TNS1: variants seen among roughly 807,000 people sequenced by gnomAD.
The protein encoded by TNS1 is tensin 1.
Under a neutral mutation model 168.6 loss-of-function variants are expected in TNS1, and 62 were observed. The ratio of observed to expected loss-of-function variants is 0.37; its 90% CI spans 0.30 to 0.45. The LOEUF (loss-of-function observed/expected upper bound fraction) is 0.45, where lower values mean the gene tolerates loss of function less well. Ranked by LOEUF, TNS1 falls within the 20% of genes least tolerant of loss-of-function variation. The probability of loss-of-function intolerance (pLI) is 1.00; values close to 1 mark genes in which losing one functional copy is unlikely to be tolerated. For synonymous variants in TNS1, 934 were observed against 933.2 expected, an observed-to-expected ratio of 1.00 and a Z score of -0.02; for missense variants, 2,240 against 2,339.4, an observed-to-expected ratio of 0.96 and a Z score of 0.88.
chr2:217,900,331 C>A, intron 7 of TNS1, 132 bp downstream of exon 7: 2 of 1,020,138 alleles, frequency 2.0e-6, no homozygotes, highest in South Asian at 2.9e-5. Context: ...GTGCCTTTCA[C>A]GTTTGCCCAC....
chr2:217,952,009 A>G (rs1957254835), intron 3 of TNS1, among the ~76,000 whole-genome samples: 1 of 152,260 alleles, frequency 6.6e-6, no homozygotes, highest in Non-Finnish European at 1.5e-5. Context: ...CAGGCAGAAC[A>G]TGAACACAGC....
At chr2:218,022,145 T>G in intron 1 of TNS1, among the ~76,000 whole-genome samples, 1 of 147,914 alleles carries the variant, frequency 6.8e-6, no homozygotes, top group Non-Finnish European at 1.5e-5. Flanking sequence ...ACAGGGAGAG[T>G]GAGCTGGAGG....
chr2:217,917,492 G>C (rs1371122578), intron 4 of TNS1, among the ~76,000 whole-genome samples: 1 of 152,160 alleles, frequency 6.6e-6, no homozygotes, highest in Non-Finnish European at 1.5e-5. Context: ...GCATGGAAGG[G>C]AGACTGGGTG....
intron 3 of TNS1, among the ~76,000 whole-genome samples, chr2:217,953,865 G>T (rs1165296890): frequency 6.6e-6 from 1 of 152,240 alleles, no homozygotes; most frequent in East Asian, 1.9e-4. Context: ...GCAAAAGCAG[G>T]TGTGAGGAGC....
chr2:217,960,755 C>A (rs1346718814), intron 3 of TNS1, among the ~76,000 whole-genome samples: 4 of 152,146 alleles, frequency 2.6e-5, no homozygotes, highest in African/African-American at 9.7e-5. Context: ...AGTCTCCCTA[C>A]CACCAGAGGA....
chr2:217,937,567 TC>T (rs1219295845), intron 3 of TNS1, among the ~76,000 whole-genome samples: 2 of 152,082 alleles, frequency 1.3e-5, no homozygotes, highest in Non-Finnish European at 2.9e-5. Context: ...CAGCAGGACT[TC>T]CTGCCAGCGA....
rs1951065081 is a variant in TNS1 at position 217,885,126 on chromosome 2, T to G, written c.1155A>C (p.Arg385=). The G allele has an allele frequency of 1.2e-6, 2 of 1,614,198 alleles. No individual in the cohort carries two copies. Among genetic ancestry groups the G allele is most frequent in the Non-Finnish European group, 1.7e-6 (2 of 1,180,038 alleles). ...GGAACTGCACACGGAAGATGACGTC[T>G]CGGGCTGGGCTTCGGAACTTCTTGT... ...CYHKKFRSPA[R]DVIFRVQFHT... The change falls in exon 16 of 33, where the codon CGA becomes CGC. Residue 385 remains arginine, a synonymous_variant. Coordinates refer to ENST00000682258, the MANE Select transcript of TNS1 (RefSeq NM_001387777.1).
At chr2:218,027,194 C>A (rs544843168) in intron 1 of TNS1, among the ~76,000 whole-genome samples, 1 of 152,172 alleles carries the variant, frequency 6.6e-6, no homozygotes, top group Admixed American at 6.5e-5. Context: ...CCTACACCCC[C>A]CTGTCGTCTT....
chr2:218,026,226 A>G (rs1958848577), intron 1 of TNS1, among the ~76,000 whole-genome samples: 1 of 152,218 alleles, frequency 6.6e-6, no homozygotes, highest in Non-Finnish European at 1.5e-5. Flanking sequence ...CTTCATCAAC[A>G]CACAGCCTTT....
intron 1 of TNS1, among the ~76,000 whole-genome samples, chr2:217,996,954 C>T (rs1026573037): frequency 1.3e-5 from 2 of 151,908 alleles, no homozygotes; most frequent in African/African-American, 4.8e-5. Context: ...CCAAGATCCA[C>T]TTCCCGGCTC....
chr2:217,944,147 C>T (rs962527349), intron 3 of TNS1: 5 of 152,510 alleles, frequency 3.3e-5, no homozygotes, highest in African/African-American at 7.2e-5. Context: ...GCCTCCTTCC[C>T]GGAGCCAGCC....
chr2:217,969,893 A>C (rs1957736776), intron 3 of TNS1, among the ~76,000 whole-genome samples: 1 of 152,250 alleles, frequency 6.6e-6, no homozygotes, highest in Non-Finnish European at 1.5e-5. Context: ...AGATGTGCTG[A>C]AGTCCTAACC....
At chr2:217,860,447 G>C (rs1246058630) in intron 18 of TNS1, among the ~76,000 whole-genome samples, 1 of 152,086 alleles carries the variant, frequency 6.6e-6, no homozygotes, top group Non-Finnish European at 1.5e-5. Context: ...GCTCCACCTG[G>C]GGAAGACCAC....
chr2:217,905,939 G>A (rs924890686), intron 6 of TNS1, among the ~76,000 whole-genome samples: 3 of 152,202 alleles, frequency 2.0e-5, no homozygotes, highest in Admixed American at 1.3e-4. Flanking sequence ...TTGTCTCCAG[G>A]GAAGCACTAC....
rs754559994 is a variant in TNS1, at chr2:217,812,438, C to G, written c.4962G>C (p.Leu1654=). The G allele has an allele frequency of 1.9e-6, 3 of 1,614,058 alleles. No individual in the cohort carries two copies. The highest frequency in any genetic ancestry group is 2.2e-5 in the East Asian group (1 of 44,872). ...TGGAGTGCTGGTAGACCAGGGCAGACAGCGATCCTGTAGGGAGGCAGACGG... is the reference window on the plus strand; with the variant it reads ...TGGAGTGCTGGTAGACCAGGGCAGAGAGCGATCCTGTAGGGAGGCAGACGG... ...GCPNEPNFGS[L]SALVYQHSII... Residue 1654 remains leucine, a synonymous_variant, in exon 28 of 33, where the codon CTG becomes CTC. Coordinates refer to ENST00000682258, the MANE Select transcript of TNS1 (RefSeq NM_001387777.1).
At chr2:217,907,845 C>T (rs1006423326) in intron 4 of TNS1, among the ~76,000 whole-genome samples, 2 of 152,206 alleles carry the variant, frequency 1.3e-5, no homozygotes, top group Non-Finnish European at 2.9e-5. Flanking sequence ...TCAGCCCCAG[C>T]CCCTAAACTC....
intron 19 of TNS1, among the ~76,000 whole-genome samples, chr2:217,840,524 G>A (rs1012707540): frequency 6.6e-6 from 1 of 152,264 alleles, no homozygotes; most frequent in Non-Finnish European, 1.5e-5. Flanking sequence ...TCACAGAGGT[G>A]GTCTCAGGCA....
intron 3 of TNS1, among the ~76,000 whole-genome samples, chr2:217,965,057 G>T (rs367852481): frequency 6.6e-6 from 1 of 152,228 alleles, no homozygotes; most frequent in Non-Finnish European, 1.5e-5. Context: ...AGGGCCAGCA[G>T]GTGGCTGCAG....
chr2:217,947,341 GAA>G (rs1957136180), intron 3 of TNS1, among the ~76,000 whole-genome samples: 1 of 152,168 alleles, frequency 6.6e-6, no homozygotes, highest in Non-Finnish European at 1.5e-5. Context: ...AAGACAGGGA[GAA>G]AAGAGGTGAG....
Sources: allele counts gnomAD v4.1 joint callset (sites outside exome capture counted in the v4.1 genomes callset), GRCh38; gene constraint gnomAD v4.1.1; transcripts MANE v1.5; gene names NCBI Gene and HGNC (gene_info 2026-07-23, HGNC 2026-07-21).